KAZN: variants seen among roughly 807,000 people sequenced by gnomAD.
The protein encoded by KAZN is kazrin.
A neutral mutation model predicts 87.4 loss-of-function variants in KAZN; 40 were observed. The observed-to-expected ratio is 0.46, with a 90% CI of 0.36 to 0.60. KAZN has a LOEUF of 0.60. Among genes scored for constraint, KAZN ranks in the 20% least tolerant of loss-of-function variants. The pLI, the probability that KAZN is intolerant of heterozygous loss-of-function variation, is 0.00. For synonymous variants in KAZN, 466 were observed against 458.3 expected (o/e 1.02, Z -0.22); for missense variants, 898 against 1,073.9 (o/e 0.84, Z 2.29).
At chr1:14,982,998 G>A (rs893390691) in intron 2 of KAZN, among the ~76,000 whole-genome samples, 3 of 152,180 alleles carry the variant, frequency 2.0e-5, no homozygotes, top group African/African-American at 2.4e-5. Context: ...GGGAGCTGCC[G>A]GCCCCGCAGC....
intron 2 of KAZN, among the ~76,000 whole-genome samples, chr1:14,504,838 A>G (rs1377427448): frequency 6.6e-6 from 1 of 152,206 alleles, no homozygotes; most frequent in African/African-American, 2.4e-5. Flanking sequence ...GGAGGCCAAC[A>G]AATTAAAGGT....
intron 2 of KAZN, among the ~76,000 whole-genome samples, chr1:14,204,139 G>A (rs575997712): frequency 2.6e-5 from 4 of 152,212 alleles, no homozygotes; most frequent in South Asian, 2.1e-4. Context: ...TGGTTGACCC[G>A]TTCTTTGAAA....
intron 1 of KAZN, among the ~76,000 whole-genome samples, chr1:14,918,734 A>G (rs1658176096): frequency 8.6e-6 from 1 of 116,412 alleles, no homozygotes; most frequent in Non-Finnish European, 1.7e-5. Flanking sequence ...ATATATATAT[A>G]TATATATATA....
intron 8 of KAZN, among the ~76,000 whole-genome samples, chr1:15,089,316 G>A (rs547617267): frequency 4.3e-4 from 64 of 147,970 alleles, no homozygotes; most frequent in Non-Finnish European, 1.6e-4. Flanking sequence ...GGCACAGAAC[G>A]GACAGATCCA....
At chr1:14,881,451 T>C (rs1653328063) in intron 1 of KAZN, among the ~76,000 whole-genome samples, 1 of 152,220 alleles carries the variant, frequency 6.6e-6, no homozygotes, top group African/African-American at 2.4e-5. Flanking sequence ...GAAATAAACT[T>C]TCTGTGACCC....
rs563617430 is a variant in KAZN at position 14,583,052 on chromosome 1, C to A, written c.250-15931C>A. ...TTCCATGCCTGGTGAGCTTGTCAAT[C>A]CTTTACCCTTATCAACTCACTTAAT... On this transcript the variant is annotated intron_variant, in intron 2 of 16. Coordinates refer to the KAZN transcript ENST00000636203. Among the ~76,000 whole-genome samples the A allele has an allele frequency of 3.3e-5, 5 of 152,298 alleles. No individual in the cohort carries two copies. In the South Asian group the frequency reaches 1.0e-3, roughly 32 times the overall value.
At chr1:14,436,357 C>A (rs1666383279) in intron 2 of KAZN, among the ~76,000 whole-genome samples, 1 of 151,738 alleles carries the variant, frequency 6.6e-6, no homozygotes, top group African/African-American at 2.4e-5. Flanking sequence ...CATGGCAGTG[C>A]TGGTGGTGGT....
rs113791084 is a variant in KAZN at position 14,395,414 on chromosome 1, G to A, written c.250-203569G>A. Among the ~76,000 whole-genome samples, 872 of 152,204 alleles carry A rather than the reference G, an allele frequency of 5.7e-3. 3 individuals carry two copies. The highest frequency in any genetic ancestry group is 0.019 in the African/African-American group (801 of 41,538). On this transcript the variant is annotated intron_variant, in intron 2 of 16. Transcript: ENST00000636203. ...GGATTTAGGGTCTACTTAAAAAGGCGTAGGTGCATTCTGTCCTTGGCTGGG... is the reference window on the plus strand; with the variant it reads ...GGATTTAGGGTCTACTTAAAAAGGCATAGGTGCATTCTGTCCTTGGCTGGG...
chr1:14,819,763 A>C (rs1175972551), intron 1 of KAZN, among the ~76,000 whole-genome samples: 1 of 142,096 alleles, frequency 7.0e-6, no homozygotes, highest in Non-Finnish European at 1.5e-5. Flanking sequence ...GCTGGAGTGC[A>C]GTGGTACGGT....
chr1:14,925,103 A>G (rs372900897), intron 1 of KAZN, among the ~76,000 whole-genome samples: 1 of 152,362 alleles, frequency 6.6e-6, no homozygotes, highest in East Asian at 1.9e-4. Context: ...GCAGAGGTGG[A>G]GACACAAACG....
chr1:14,487,747 T>C (rs1186410623), intron 2 of KAZN, among the ~76,000 whole-genome samples: 1 of 152,216 alleles, frequency 6.6e-6, no homozygotes, highest in Non-Finnish European at 1.5e-5. Context: ...GTGGTGGCAG[T>C]GCTGGTGGAC....
intron 2 of KAZN, among the ~76,000 whole-genome samples, chr1:14,214,836 A>C (rs1646927099): frequency 6.6e-6 from 1 of 152,210 alleles, no homozygotes; most frequent in Non-Finnish European, 1.5e-5. Flanking sequence ...CATTGTGCCC[A>C]AGGCCGTGTG....
intron 2 of KAZN, among the ~76,000 whole-genome samples, chr1:14,361,531 A>T (rs1436184643): frequency 6.6e-6 from 1 of 152,186 alleles, no homozygotes; most frequent in Non-Finnish European, 1.5e-5. Flanking sequence ...TGTCTGCCCA[A>T]ATGGCTGCCC....
At chr1:14,821,730 C>T (rs1450817194) in intron 1 of KAZN, among the ~76,000 whole-genome samples, 2 of 152,088 alleles carry the variant, frequency 1.3e-5, no homozygotes, top group Non-Finnish European at 2.9e-5. Context: ...CTCAGACTTC[C>T]AGCCTCCAGA....
intron 1 of KAZN, among the ~76,000 whole-genome samples, chr1:14,939,689 C>T (rs1016547237): frequency 5.9e-5 from 9 of 152,150 alleles, no homozygotes; most frequent in Non-Finnish European, 1.0e-4. Context: ...CTCGGGCACT[C>T]GCCTCTGCCT....
At chr1:15,053,696 C>T (rs941377366) in intron 4 of KAZN, among the ~76,000 whole-genome samples, 1 of 152,222 alleles carries the variant, frequency 6.6e-6, no homozygotes, top group African/African-American at 2.4e-5. Flanking sequence ...GTCACTAAAC[C>T]TCTCTGAGTT....
intron 2 of KAZN, among the ~76,000 whole-genome samples, chr1:14,982,707 G>A (rs1666382447): frequency 6.6e-6 from 1 of 152,128 alleles, no homozygotes; most frequent in Non-Finnish European, 1.5e-5. Context: ...TTACAGGCGT[G>A]AGCCACTGTG....
intron 2 of KAZN, among the ~76,000 whole-genome samples, chr1:14,229,296 C>T (rs759364974): frequency 1.3e-5 from 2 of 152,130 alleles, no homozygotes; most frequent in Admixed American, 6.5e-5. Flanking sequence ...ATAATATATT[C>T]GGCTTTAACA....
chr1:14,507,740 C>A (rs569595786), intron 2 of KAZN, among the ~76,000 whole-genome samples: 1 of 152,118 alleles, frequency 6.6e-6, no homozygotes. Context: ...CAATTACATC[C>A]ATGGGCACCT....
Sources: gnomAD v4.1 joint callset for allele counts (sites outside exome capture counted in the v4.1 genomes callset) on GRCh38, gnomAD v4.1.1 for gene constraint, MANE v1.5 for transcripts, NCBI Gene and HGNC (gene_info 2026-07-23, HGNC 2026-07-21) for gene names.